The following GABRR2 variants were observed in gnomAD, a reference collection of about 807,000 sequenced individuals.
GABRR2 encodes the protein gamma-aminobutyric acid type A receptor subunit rho2.
GABRR2 carries 36 observed loss-of-function variants against 47.0 expected under a neutral mutation model. That is an observed-to-expected ratio of 0.77 (90% CI 0.59 to 1.01). The LOEUF (loss-of-function observed/expected upper bound fraction) is 1.01, where lower values mean the gene tolerates loss of function less well. GABRR2 is among the 50% of genes least tolerant of loss of function. GABRR2 has a pLI of 0.00. For synonymous variants in GABRR2, 204 were observed against 227.5 expected (o/e 0.90, Z 0.93); for missense variants, 587 against 594.6 (o/e 0.99, Z 0.13).
chr6:89,314,026 T>G (rs1396179052), intron 1 of GABRR2, among the ~76,000 whole-genome samples: 7 of 148,010 alleles, frequency 4.7e-5, no homozygotes, highest in Non-Finnish European at 7.6e-5. Flanking sequence ...CAGGGTTTTT[T>G]TTTTTTTTTT....
rs1003031568 is a variant in GABRR2 at position 89,286,634 on chromosome 6, G to A, written c.220+13125C>T. On this transcript the variant is annotated intron_variant, in intron 2 of 8. Coordinates refer to ENST00000402938, the MANE Select transcript of GABRR2 (RefSeq NM_002043.5). ...CCCAGCCCTGCCCCACTGCCCAGCG[G>A]CCCAGTCCTTCAGGAGCATGGTGAC... 3.9e-5 allele frequency among the ~76,000 whole-genome samples: 6 copies of A among 152,062 alleles called. No homozygotes were observed. The South Asian group carries it at 6.2e-4, about 16-fold the overall frequency.
chr6:89,273,406 G>A lies in GABRR2; in HGVS notation c.221-1684C>T, dbSNP rs534054908. 3.3e-5 allele frequency among the ~76,000 whole-genome samples: 5 copies of A among 152,244 alleles called. No homozygotes were observed. The East Asian group carries it at 9.7e-4, about 29-fold the overall frequency. ...TGCCACCACACCTGGCTAATTTTTT[G>A]TATTTTTAGTAGAGGCCAGGGTTTC... On this transcript the variant is annotated intron_variant, in intron 2 of 8. Transcript: ENST00000402938.
intron 2 of GABRR2, among the ~76,000 whole-genome samples, chr6:89,293,456 A>G (rs1283454638): frequency 2.6e-5 from 4 of 152,116 alleles, no homozygotes; most frequent in Non-Finnish European, 5.9e-5. Context: ...GGTCAATTTT[A>G]TATTATATAT....
rs1212818019 is a variant in GABRR2, at chr6:89,256,968, A to C, written c.*702T>G. Reference sequence around the variant, plus strand: ...GGGGTAAGCGGGGTTGAAGGAGGGGAAAGAGCAGAAGTACATCATGCCATA... The same window carrying C: ...GGGGTAAGCGGGGTTGAAGGAGGGGCAAGAGCAGAAGTACATCATGCCATA... On this transcript the variant is annotated 3_prime_UTR_variant, in exon 9 of 9. Coordinates refer to ENST00000402938, the MANE Select transcript of GABRR2 (RefSeq NM_002043.5). 2.0e-5 allele frequency among the ~76,000 whole-genome samples: 3 copies of C among 152,188 alleles called. No homozygotes were observed. The highest frequency in any genetic ancestry group is 7.2e-5 in the African/African-American group (3 of 41,444).
At chr6:89,271,844 T>C in intron 2 of GABRR2, 122 bp from the exon 3 acceptor site, 1 of 734,688 alleles carries the variant, frequency 1.4e-6, no homozygotes, top group South Asian at 1.6e-5. Context: ...AGGTTTAGAA[T>C]TCTATGAGGG....
Position 89,256,947 on chromosome 6 carries a change from T to TAA in GABRR2, c.*721_*722dup, listed in dbSNP as rs1773611547. 6.6e-6 allele frequency among the ~76,000 whole-genome samples: 1 copy of TAA among 152,072 alleles called. No individual in the cohort carries two copies. Among genetic ancestry groups the TAA allele is most frequent in the African/African-American group, 2.4e-5 (1 of 41,382 alleles). On this transcript the variant is annotated 3_prime_UTR_variant, in exon 9 of 9. Coordinates refer to ENST00000402938, the MANE Select transcript of GABRR2 (RefSeq NM_002043.5). ...CAGCAAACAGAATGGGTCTGTGGGG[T>TAA]AAGCGGGGTTGAAGGAGGGGAAAGA... is the stretch of plus-strand genomic sequence containing the variant.
At chr6:89,297,408 A>T (rs1263147093) in intron 2 of GABRR2, among the ~76,000 whole-genome samples, 2 of 152,200 alleles carry the variant, frequency 1.3e-5, no homozygotes, top group African/African-American at 4.8e-5. Flanking sequence ...CTGACCTGGG[A>T]CATTTACTTC....
At chr6:89,293,752 A>C (rs1774508425) in intron 2 of GABRR2, among the ~76,000 whole-genome samples, 1 of 152,238 alleles carries the variant, frequency 6.6e-6, no homozygotes. Flanking sequence ...CTGCCACTGC[A>C]TTCCAGACTG....
chr6:89,273,039 G>A (rs192578416), intron 2 of GABRR2, among the ~76,000 whole-genome samples: 116 of 152,244 alleles, frequency 7.6e-4, no homozygotes, highest in African/African-American at 2.8e-3. Flanking sequence ...CTGATAGAAT[G>A]GAAGTATTTT....
chr6:89,295,645 G>A (rs1410545894), intron 2 of GABRR2, among the ~76,000 whole-genome samples: 1 of 152,022 alleles, frequency 6.6e-6, no homozygotes, highest in African/African-American at 2.4e-5. Flanking sequence ...GATCCCATTT[G>A]TCAATTTTGG....
chr6:89,268,642 AT>A (rs1387883187), intron 4 of GABRR2, among the ~76,000 whole-genome samples: 1 of 93,036 alleles, frequency 1.1e-5, no homozygotes, highest in African/African-American at 4.5e-5. Context: ...CACAGTAGCT[AT>A]TTTTTTGGGG....
At chr6:89,309,095 C>A (rs1349915703) in intron 1 of GABRR2, among the ~76,000 whole-genome samples, 1 of 152,146 alleles carries the variant, frequency 6.6e-6, no homozygotes, top group African/African-American at 2.4e-5. Context: ...GGAAGTAATT[C>A]TGAGAAAACA....
chr6:89,262,543 C>A (rs1315493925), intron 8 of GABRR2, among the ~76,000 whole-genome samples: 1 of 152,088 alleles, frequency 6.6e-6, no homozygotes, highest in Non-Finnish European at 1.5e-5. Flanking sequence ...TCTCCTTTTT[C>A]AAATTTATAA....
intron 2 of GABRR2, among the ~76,000 whole-genome samples, chr6:89,298,187 G>T (rs970864870): frequency 3.3e-5 from 5 of 152,160 alleles, no homozygotes; most frequent in Non-Finnish European, 7.3e-5. Flanking sequence ...CCTGTAATCT[G>T]CCACCTGCTT....
At chr6:89,304,020 A>G (rs933988784) in intron 1 of GABRR2, among the ~76,000 whole-genome samples, 3 of 152,244 alleles carry the variant, frequency 2.0e-5, no homozygotes, top group Admixed American at 6.5e-5. Flanking sequence ...CACCCTAGGC[A>G]ATACCATTCC....
At chr6:89,310,400 C>T (rs1767661008) in intron 1 of GABRR2, among the ~76,000 whole-genome samples, 2 of 152,102 alleles carry the variant, frequency 1.3e-5, no homozygotes, top group South Asian at 4.1e-4. Context: ...TGGTTTTCCT[C>T]CTACCTCTCT....
rs946275751 is a variant in GABRR2 at position 89,254,502 on chromosome 6, C to A, written c.*3168G>T. On this transcript the variant is annotated 3_prime_UTR_variant, in exon 9 of 9. Transcript: ENST00000402938. ...CCCATTTCTTTTATTGTAACATTAA[C>A]ATTTTTTCACAGTTTCATATTGGTG... is the stretch of plus-strand genomic sequence containing the variant. Among the ~76,000 whole-genome samples the A allele has an allele frequency of 3.3e-5, 5 of 152,154 alleles. No homozygotes were observed. Among genetic ancestry groups the A allele is most frequent in the Non-Finnish European group, 5.9e-5 (4 of 68,024 alleles).
At chr6:89,313,268 G>A (rs1241721422) in intron 1 of GABRR2, among the ~76,000 whole-genome samples, 1 of 152,136 alleles carries the variant, frequency 6.6e-6, no homozygotes, top group African/African-American at 2.4e-5. Context: ...AAAAACTGTG[G>A]ATTTTTTAGT....
intron 2 of GABRR2, among the ~76,000 whole-genome samples, chr6:89,298,073 C>G (rs1413433649): frequency 6.6e-6 from 1 of 152,138 alleles, no homozygotes; most frequent in African/African-American, 2.4e-5. Context: ...TTGCCCATGA[C>G]GAATCCCCGA....
Sources: allele counts gnomAD v4.1 joint callset (sites outside exome capture counted in the v4.1 genomes callset), GRCh38; gene constraint gnomAD v4.1.1; transcripts MANE v1.5; gene names NCBI Gene and HGNC (gene_info 2026-07-23, HGNC 2026-07-21).